PDXDC1: variants seen among roughly 807,000 people sequenced by gnomAD.
The protein encoded by PDXDC1 is pyridoxal-dependent decarboxylase domain-containing protein 1.
A neutral mutation model predicts 100.1 loss-of-function variants in PDXDC1; 42 were observed. The ratio of observed to expected loss-of-function variants is 0.42; its 90% CI spans 0.33 to 0.54. The LOEUF is 0.54. Among genes scored for constraint, PDXDC1 ranks in the 20% least tolerant of loss-of-function variants. The probability of loss-of-function intolerance (pLI) is 0.10; values close to 1 mark genes in which losing one functional copy is unlikely to be tolerated. For missense variants in PDXDC1, 636 were observed against 979.2 expected (o/e 0.65, Z 4.68); for synonymous variants, 260 against 371.7 (o/e 0.70, Z 3.46).
downstream of PDXDC1, chr16:15,038,422 A>G (rs1054161949): frequency 9.6e-6 from 6 of 624,584 alleles, no homozygotes; most frequent in Non-Finnish European, 1.7e-5. Flanking sequence ...CCCATTTGAT[A>G]TACAAGTTAA....
intron 16 of PDXDC1, chr16:15,135,892 A>G: frequency 6.3e-7 from 1 of 1,576,006 alleles, no homozygotes; most frequent in Non-Finnish European, 8.7e-7. Flanking sequence ...AGTGCCCCAC[A>G]GGCAGCGCCA....
intron 16 of PDXDC1, among the ~76,000 whole-genome samples, chr16:15,052,793 C>G (rs527961421): frequency 6.6e-6 from 1 of 151,890 alleles, no homozygotes; most frequent in African/African-American, 2.4e-5. Flanking sequence ...CCATTGCACT[C>G]CAGCCTGGGT....
At chr16:14,979,392 C>T (rs1426888083) in intron 1 of PDXDC1, among the ~76,000 whole-genome samples, 2 of 152,384 alleles carry the variant, frequency 1.3e-5, no homozygotes, top group African/African-American at 4.8e-5. Flanking sequence ...CGGGTTCAAG[C>T]GATTCTCCTG....
At chr16:15,135,165 G>C (rs1354907200) in intron 16 of PDXDC1, 2 of 858,046 alleles carry the variant, frequency 2.3e-6, no homozygotes, top group South Asian at 2.9e-5. Flanking sequence ...ATTTGCATCA[G>C]AAACAGAGAG....
intron 16 of PDXDC1, among the ~76,000 whole-genome samples, chr16:15,122,788 A>T (rs1247471946): frequency 9.9e-6 from 1 of 101,052 alleles, no homozygotes; most frequent in African/African-American, 3.7e-5. Context: ...GGGGGAGGGA[A>T]GGGGACGGGG....
intron 16 of PDXDC1, chr16:15,130,213 A>G (rs1053269315): frequency 5.5e-5 from 86 of 1,550,976 alleles, no homozygotes; most frequent in Non-Finnish European, 7.2e-5. Flanking sequence ...GGAAACACAA[A>G]GCGTACATGG....
chr16:15,053,343 C>T (rs2044368790), intron 16 of PDXDC1, among the ~76,000 whole-genome samples: 1 of 152,138 alleles, frequency 6.6e-6, no homozygotes, highest in African/African-American at 2.4e-5. Flanking sequence ...TGGCAGCTTC[C>T]ACTGTATGAC....
intron 16 of PDXDC1, chr16:15,127,724 C>A (rs1242090030): frequency 3.3e-6 from 5 of 1,511,740 alleles, no homozygotes; most frequent in Non-Finnish European, 4.5e-6. Flanking sequence ...TACCACACGG[C>A]GTTGGCGCCC....
chr16:15,109,628 G>C (rs2046950439), intron 16 of PDXDC1, among the ~76,000 whole-genome samples: 1 of 101,394 alleles, frequency 9.9e-6, no homozygotes, highest in South Asian at 3.7e-4. Context: ...CTGCACTCTA[G>C]CCTGGGTGAC....
intron 16 of PDXDC1, among the ~76,000 whole-genome samples, chr16:15,096,603 A>G (rs1350347162): frequency 1.3e-5 from 2 of 152,258 alleles, no homozygotes; most frequent in Non-Finnish European, 2.9e-5. Flanking sequence ...TTAAATGAGA[A>G]TCTCTTCTTC....
chr16:14,984,705 C>T (rs1412800749), intron 1 of PDXDC1, among the ~76,000 whole-genome samples: 5 of 152,130 alleles, frequency 3.3e-5, no homozygotes, highest in South Asian at 4.1e-4. Flanking sequence ...CCATGTTGGA[C>T]AGGCTGGTCT....
intron 1 of PDXDC1, chr16:14,989,320 G>C: frequency 2.5e-6 from 4 of 1,613,116 alleles, no homozygotes; most frequent in Non-Finnish European, 3.4e-6. Context: ...GTCTCATCCA[G>C]CTGCGTCTTG....
At chr16:15,061,863 C>T (rs538860537) in intron 16 of PDXDC1, 1 of 1,613,602 alleles carries the variant, frequency 6.2e-7, no homozygotes, top group South Asian at 1.1e-5. Flanking sequence ...TTCTGGGGCA[C>T]TTCGCCTTTC....
At chr16:15,026,783 A>G in intron 14 of PDXDC1, 77 bp downstream of exon 14, 2 of 1,373,560 alleles carry the variant, frequency 1.5e-6, no homozygotes, top group South Asian at 2.5e-5. Flanking sequence ...CAAGTTAAAT[A>G]GTTCAAAATA....
At chr16:15,136,606 C>T (rs1262742454) in intron 16 of PDXDC1, 1 of 1,223,698 alleles carries the variant, frequency 8.2e-7, no homozygotes, top group Non-Finnish European at 1.2e-6. Flanking sequence ...CACGGCGGGA[C>T]TGTCCACCAT....
At chr16:15,141,920 G>A (rs1028866296), downstream of PDXDC1, among the ~76,000 whole-genome samples, 3 of 152,170 alleles carry the variant, frequency 2.0e-5, no homozygotes, top group South Asian at 2.1e-4. Context: ...CGGCTGCGGC[G>A]GCAGCAGAAC....
At chr16:14,986,832 C>T (rs1241788311) in intron 1 of PDXDC1, among the ~76,000 whole-genome samples, 8 of 152,286 alleles carry the variant, frequency 5.3e-5, no homozygotes, top group East Asian at 1.9e-4. Context: ...CTGCAAGCTC[C>T]GCCTCCCAGG....
At chr16:14,999,119 T>G (rs1285003656) in intron 3 of PDXDC1, among the ~76,000 whole-genome samples, 1 of 152,278 alleles carries the variant, frequency 6.6e-6, no homozygotes, top group Non-Finnish European at 1.5e-5. Context: ...CAGGCTGAAG[T>G]GCAGTGGTGT....
chr16:15,062,054 C>T (rs1315004689), intron 16 of PDXDC1: 6 of 750,198 alleles, frequency 8.0e-6, no homozygotes, highest in African/African-American at 1.8e-5. Flanking sequence ...TGGCACACGC[C>T]TGTAGTCCCA....
Sources: allele counts gnomAD v4.1 joint callset (sites outside exome capture counted in the v4.1 genomes callset), GRCh38; gene constraint gnomAD v4.1.1; transcripts MANE v1.5; gene names NCBI Gene and HGNC (gene_info 2026-07-23, HGNC 2026-07-21).